The following ADAMTS13 variants were observed in gnomAD, a reference collection of about 807,000 sequenced individuals.
ADAMTS13 encodes the protein ADAM metallopeptidase with thrombospondin type 1 motif 13.
ADAMTS13 carries 110 observed loss-of-function variants against 155.1 expected under a neutral mutation model. That is an observed-to-expected ratio of 0.71 (90% CI 0.61 to 0.83). The LOEUF is 0.83. ADAMTS13 is among the 40% of genes least tolerant of loss of function. The pLI is 0.00. For synonymous variants in ADAMTS13, 758 were observed against 756.4 expected, an observed-to-expected ratio of 1.00 and a Z score of -0.03; for missense variants, 1,707 against 1,891.7, an observed-to-expected ratio of 0.90 and a Z score of 1.81.
intron 11 of ADAMTS13, among the ~76,000 whole-genome samples, chr9:133,435,535 T>A (rs1396035634): frequency 1.4e-5 from 2 of 147,396 alleles, no homozygotes; most frequent in Non-Finnish European, 3.0e-5. Flanking sequence ...CTTTCTTTAT[T>A]TTTTTTTTTT....
chr9:133,432,762 C>T (rs1840865466), intron 9 of ADAMTS13, 70 bp downstream of exon 9: 4 of 1,445,040 alleles, frequency 2.8e-6, no homozygotes, highest in Non-Finnish European at 3.8e-6. Flanking sequence ...CCAGGCCGCC[C>T]TATTCCTAGG....
At chr9:133,428,230 C>T (rs1840413594) in intron 6 of ADAMTS13, among the ~76,000 whole-genome samples, 2 of 152,228 alleles carry the variant, frequency 1.3e-5, no homozygotes, top group African/African-American at 4.8e-5. Flanking sequence ...ATCGTGCTTT[C>T]CTCACAGTAG....
chr9:133,437,641 G>A (rs1474035865), intron 12 of ADAMTS13, 108 bp from the exon 13 acceptor site: 1 of 1,292,718 alleles, frequency 7.7e-7, no homozygotes, highest in Non-Finnish European at 1.1e-6. Context: ...GGGATGTGGG[G>A]AAGATAGAAA....
chr9:133,414,854 C>G (rs1554781211), intron 1 of ADAMTS13: 1 of 1,614,180 alleles, frequency 6.2e-7, no homozygotes, highest in South Asian at 1.1e-5. Context: ...AGAGCCCCTG[C>G]TGGCCTCCTG....
At chr9:133,420,765 A>G (rs1554782965), upstream of ADAMTS13, among the ~76,000 whole-genome samples, 1 of 152,210 alleles carries the variant, frequency 6.6e-6, no homozygotes, top group East Asian at 1.9e-4. Context: ...GTAACTTGGG[A>G]TCCATCAAGA....
intron 1 of ADAMTS13, 23 bp downstream of exon 1, chr9:133,422,571 G>C (rs781957921): frequency 6.2e-7 from 1 of 1,612,502 alleles, no homozygotes; most frequent in Non-Finnish European, 8.5e-7. Context: ...GCAGGAGCGG[G>C]GGTATTCTGG....
At position 133,439,328 on chromosome 9, in the gene ADAMTS13, T is replaced by G. The variant is rs1194682175; in HGVS notation, c.1706-38T>G. 55 of 1,468,092 alleles carry G rather than the reference T, an allele frequency of 3.7e-5. No individual in the cohort carries two copies. In the Middle Eastern group the frequency reaches 5.2e-4, roughly 14 times the overall value. 90.9% of individuals were successfully genotyped at this position (1,468,092 alleles called of 1,614,324 possible). ...CCCTTTGTCTGTGGTGTGGTGGCTG[T>G]GAGGTCCACGCATCTCTCCTTCTTT... On this transcript the variant is annotated intron_variant, in intron 14 of 28. Transcript: ENST00000355699.
At chr9:133,457,469 T>G (rs1014213675) in intron 27 of ADAMTS13, among the ~76,000 whole-genome samples, 1 of 152,152 alleles carries the variant, frequency 6.6e-6, no homozygotes, top group Admixed American at 6.5e-5. Flanking sequence ...CCGTTCACAT[T>G]GCTTCTCGCT....
chr9:133,456,264 G>C lies in ADAMTS13; in HGVS notation c.3547+49G>C. On this transcript the variant is annotated intron_variant, in intron 26 of 28. Transcript: ENST00000355699. This position sits in a 1 kb window ranked among gnomAD's most constrained non-coding sequence, Gnocchi z 4.4. ...ATGCTGCCAGTTATGGGCCCTGCCA[G>C]GAGCCAGCACGACGCTGCATGCCCC... 1 of 1,612,330 alleles carries C rather than the reference G, an allele frequency of 6.2e-7. No homozygotes were observed. The highest frequency in any genetic ancestry group is 1.1e-5 in the South Asian group (1 of 91,028).
chr9:133,448,373 A>C lies in ADAMTS13; in HGVS notation c.2732-226A>C, dbSNP rs587716376. ...CCAGGCACTTGTTATCTTCCCTTTT[A>C]AAAATCTTTATAAATGATTCTGCAA... On this transcript the variant is annotated intron_variant, in intron 21 of 28. Transcript: ENST00000355699. 2.0e-5 allele frequency among the ~76,000 whole-genome samples: 3 copies of C among 152,324 alleles called. No homozygotes were observed. In the South Asian group the frequency reaches 6.2e-4, roughly 32 times the overall value.
intron 23 of ADAMTS13, among the ~76,000 whole-genome samples, chr9:133,453,963 G>T (rs782171997): frequency 6.6e-6 from 1 of 152,146 alleles, no homozygotes; most frequent in Non-Finnish European, 1.5e-5. Context: ...GGGCTCTGAA[G>T]AATGCGGGCC....
upstream of ADAMTS13, chr9:133,417,971 A>G: frequency 3.5e-6 from 3 of 849,178 alleles, no homozygotes; most frequent in Non-Finnish European, 5.3e-6. Context: ...GACCCCGTCC[A>G]GGAAAAGACT....
rs782591071 is a variant in ADAMTS13, at chr9:133,445,665, C to T, written c.2611-34C>T. On this transcript the variant is annotated intron_variant, in intron 20 of 28. Transcript: ENST00000355699. This position sits in a 1 kb window ranked among gnomAD's most constrained non-coding sequence, Gnocchi z 5.0. ...GGGATCGCTGGGTCCTCAGAGGAGG[C>T]CCAGACCCACCAGCTTGTTGCTATT... 8 of 1,612,364 alleles carry T rather than the reference C, an allele frequency of 5.0e-6. No individual in the cohort carries two copies. In the South Asian group the frequency reaches 7.7e-5, roughly 15 times the overall value.
chr9:133,442,541 C>G lies in ADAMTS13; in HGVS notation c.2104+7C>G. ...TCGGTGAGCTGTGGGGCAGGTGAGACCTGGGGAAGGCTCATCCACAGCACG... is the reference window on the plus strand; with the variant it reads ...TCGGTGAGCTGTGGGGCAGGTGAGAGCTGGGGAAGGCTCATCCACAGCACG... On this transcript the variant is annotated splice_region_variant and intron_variant, in intron 17 of 28. Coordinates refer to ENST00000355699, the MANE Select transcript of ADAMTS13 (RefSeq NM_139027.6). 2 of 1,613,548 alleles carry G rather than the reference C, an allele frequency of 1.2e-6. No homozygotes were observed. Among genetic ancestry groups the G allele is most frequent in the Non-Finnish European group, 1.7e-6 (2 of 1,180,022 alleles).
chr9:133,442,685 G>A lies in ADAMTS13; in HGVS notation c.2176G>A (p.Gly726Arg). 1 of 1,613,104 alleles carries A rather than the reference G, an allele frequency of 6.2e-7. No individual in the cohort carries two copies. Among genetic ancestry groups the A allele is most frequent in the Non-Finnish European group, 8.5e-7 (1 of 1,180,016 alleles). ...GTTGGTGGAGACTGTCCAGTGCCAA[G>A]GGAGCCAGCAGCCACCAGCGTGGCC... is the stretch of plus-strand genomic sequence containing the variant. Reference protein sequence around the residue: ...KELVETVQCQGSQQPPAWPEA... With the variant: ...KELVETVQCQRSQQPPAWPEA... Residue 726 changes from glycine to arginine, a missense_variant, in exon 18 of 29, where the codon GGG (glycine) becomes AGG (arginine). By Grantham distance (125) the Gly-to-Arg change is moderately radical (BLOSUM62 -2). Around this residue, in one of 3 missense-constraint regions of ADAMTS13, gnomAD observed 961 missense variants for 1,107.9 expected, o/e 0.87. Transcript: ENST00000355699.
At chr9:133,428,084 A>G (rs1035992982) in intron 6 of ADAMTS13, among the ~76,000 whole-genome samples, 2 of 151,882 alleles carry the variant, frequency 1.3e-5, no homozygotes, top group African/African-American at 4.8e-5. Context: ...GGCCTCTCCC[A>G]CCCCATTAGG....
chr9:133,454,988 G>A (rs1030661351), intron 24 of ADAMTS13, among the ~76,000 whole-genome samples: 9 of 152,144 alleles, frequency 5.9e-5, no homozygotes, highest in African/African-American at 2.2e-4. Flanking sequence ...GGGCATAGGG[G>A]CACAGCAGAC....
rs888363166 is a variant in ADAMTS13, at chr9:133,443,394, C to T, written c.2253C>T (p.Phe751=). Residue 751 remains phenylalanine, a synonymous_variant, in exon 19 of 29, where the codon TTC becomes TTT. Transcript: ENST00000355699. ...TCCTCAGCTGGGCGGTGGGAGACTTCGGCCCATGCAGCGCCTCCTGTGGGG... is the reference window on the plus strand; with the variant it reads ...TCCTCAGCTGGGCGGTGGGAGACTTTGGCCCATGCAGCGCCTCCTGTGGGG... ...PCPPYWAVGD[F]GPCSASCGGG... 26 of 1,597,860 alleles carry T rather than the reference C, an allele frequency of 1.6e-5. No homozygotes were observed. Among genetic ancestry groups the T allele is most frequent in the South Asian group, 6.7e-5 (6 of 89,650 alleles).
chr9:133,452,762 A>G (rs1842511109), intron 23 of ADAMTS13, among the ~76,000 whole-genome samples: 2 of 151,980 alleles, frequency 1.3e-5, no homozygotes, highest in African/African-American at 4.8e-5. Context: ...CTCCTGCTTC[A>G]GCCTCCCGAG....
Sources: gnomAD v4.1 joint callset for allele counts (sites outside exome capture counted in the v4.1 genomes callset) on GRCh38, gnomAD v4.1.1 for gene constraint, gnomAD v4.1.1 regional missense constraint, Gnocchi (gnomAD v3.1) non-coding constraint, MANE v1.5 for transcripts, NCBI Gene and HGNC (gene_info 2026-07-23, HGNC 2026-07-21) for gene names.